The following MAPK10 variants were observed in gnomAD, a reference collection of about 807,000 sequenced individuals.
The protein encoded by MAPK10 is JNK3 alpha protein kinase.
Under a neutral mutation model 59.3 loss-of-function variants are expected in MAPK10, and 25 were observed. The observed-to-expected ratio is 0.42, with a 90% CI of 0.31 to 0.59. The LOEUF is 0.59. Ranked by LOEUF, MAPK10 falls within the 20% of genes least tolerant of loss-of-function variation. The probability of loss-of-function intolerance (pLI) is 0.15; values close to 1 mark genes in which losing one functional copy is unlikely to be tolerated. For synonymous variants in MAPK10, 190 were observed against 200.5 expected (o/e 0.95, Z 0.44); for missense variants, 351 against 568.9 (o/e 0.62, Z 3.90).
chr4:86,101,328 G>T, intron 7 of MAPK10, 111 bp from the exon 8 acceptor site: 2 of 669,370 alleles, frequency 3.0e-6, no homozygotes, highest in Non-Finnish European at 5.1e-6. Context: ...GGTCCCCCTT[G>T]CCTACAGAGC....
chr4:86,310,613 A>G (rs559154352), intron 2 of MAPK10, among the ~76,000 whole-genome samples: 38 of 152,310 alleles, frequency 2.5e-4, no homozygotes, highest in Middle Eastern at 6.8e-3. Context: ...ATACCAGTAT[A>G]ACATGTCAAG....
intron 1 of MAPK10, among the ~76,000 whole-genome samples, chr4:86,508,967 G>T (rs1251192988): frequency 1.3e-5 from 2 of 151,950 alleles, no homozygotes; most frequent in Non-Finnish European, 2.9e-5. Context: ...CCCCAACCTT[G>T]TTTTTTTCTT....
intron 1 of MAPK10, among the ~76,000 whole-genome samples, chr4:86,472,935 A>G (rs534815705): frequency 3.9e-5 from 6 of 152,286 alleles, no homozygotes; most frequent in African/African-American, 1.4e-4. Context: ...TTGAGCCCCT[A>G]TGCTCAGGCC....
chr4:86,479,988 C>T (rs1330577183), intron 1 of MAPK10, among the ~76,000 whole-genome samples: 1 of 152,048 alleles, frequency 6.6e-6, no homozygotes, highest in Non-Finnish European at 1.5e-5. Flanking sequence ...TCCATACCAC[C>T]CCCAAAAATT....
intron 4 of MAPK10, 51 bp downstream of exon 4, chr4:86,159,247 G>T: frequency 7.1e-7 from 1 of 1,416,236 alleles, no homozygotes; most frequent in Non-Finnish European, 9.5e-7. Context: ...GTGTCTAGTA[G>T]TTGCACACGG....
At chr4:86,548,794 C>T (rs1283032420) in intron 1 of MAPK10, among the ~76,000 whole-genome samples, 2 of 152,126 alleles carry the variant, frequency 1.3e-5, no homozygotes, top group Admixed American at 6.5e-5. Context: ...TCCACTAGAC[C>T]ACAACTTGCA....
chr4:86,355,821 C>T (rs1734158660), intron 1 of MAPK10, among the ~76,000 whole-genome samples: 1 of 152,138 alleles, frequency 6.6e-6, no homozygotes, highest in African/African-American at 2.4e-5. Flanking sequence ...AATAAACAGA[C>T]CTAACCTAAG....
Position 86,107,632 on chromosome 4 carries a change from G to T in MAPK10, c.237-280C>A, listed in dbSNP as rs1273537407. 4 of 1,051,296 alleles carry T rather than the reference G, an allele frequency of 3.8e-6. No homozygotes were observed. The East Asian group carries it at 2.9e-4, about 76-fold the overall frequency. The allele number at this position is 1,051,296 out of a possible 1,614,324, so 65.1% of individuals were successfully genotyped here. On this transcript the variant is annotated intron_variant, in intron 4 of 13. Coordinates refer to ENST00000641462, the MANE Select transcript of MAPK10 (RefSeq NM_138982.4). ...GGGCAAAGGAGAAGAAAAAGATCTT[G>T]CCAAGAATATAGCATATAATTGCCT...
At chr4:86,554,533 C>T (rs1396249058) in intron 1 of MAPK10, among the ~76,000 whole-genome samples, 2 of 152,178 alleles carry the variant, frequency 1.3e-5, no homozygotes, top group Admixed American at 6.5e-5. Context: ...TCTTACCACC[C>T]ACACCCAAAT....
chr4:86,032,307 C>T (rs1272164580), intron 11 of MAPK10: 1 of 151,646 alleles, frequency 6.6e-6, no homozygotes, highest in Non-Finnish European at 1.5e-5. Context: ...ACCATGGCGG[C>T]TAGGGTAGCT....
At chr4:86,136,199 T>A (rs1346534269) in intron 4 of MAPK10, among the ~76,000 whole-genome samples, 1 of 151,922 alleles carries the variant, frequency 6.6e-6, no homozygotes, top group Non-Finnish European at 1.5e-5. Context: ...ACAAAGATAC[T>A]CCTCGAGAAG....
intron 2 of MAPK10, among the ~76,000 whole-genome samples, chr4:86,294,641 C>T (rs2095311595): frequency 6.6e-6 from 1 of 152,126 alleles, no homozygotes; most frequent in Non-Finnish European, 1.5e-5. Flanking sequence ...TTTATACTTT[C>T]TCCAAACTGT....
chr4:86,569,095 TC>T (rs1761270603), intron 1 of MAPK10, among the ~76,000 whole-genome samples: 1 of 151,042 alleles, frequency 6.6e-6, no homozygotes, highest in Admixed American at 6.6e-5. Context: ...TACAAACAAT[TC>T]AACAAGAAAA....
At chr4:86,494,047 G>A (rs1754681396) in intron 1 of MAPK10, among the ~76,000 whole-genome samples, 1 of 152,158 alleles carries the variant, frequency 6.6e-6, no homozygotes, top group African/African-American at 2.4e-5. Flanking sequence ...GACCTTAAAA[G>A]TTTAGGCATT....
At chr4:86,187,556 C>T (rs2078553339) in intron 3 of MAPK10, among the ~76,000 whole-genome samples, 1 of 152,030 alleles carries the variant, frequency 6.6e-6, no homozygotes, top group Non-Finnish European at 1.5e-5. Context: ...AAACCGAAAC[C>T]ACAGATAAGG....
chr4:86,400,627 A>G (rs989915825), intron 1 of MAPK10, among the ~76,000 whole-genome samples: 6 of 152,170 alleles, frequency 3.9e-5, no homozygotes, highest in African/African-American at 1.4e-4. Flanking sequence ...TACTTGAATC[A>G]ATTTACATCT....
rs183006651 is a variant in MAPK10 at position 86,367,658 on chromosome 4, T to G, written c.-121-13014A>C. ...CTTATGTAGCAAGCATTTGTTTTTT[T>G]TTTTGTTTTGTTTTGTTTTTTTTGG... On this transcript the variant is annotated intron_variant, in intron 1 of 13. Coordinates refer to the MAPK10 transcript ENST00000361569. Among the ~76,000 whole-genome samples the G allele has an allele frequency of 1.4e-3, 220 of 152,234 alleles. 1 individual carries two copies. The highest frequency in any genetic ancestry group is 9.8e-3 in the East Asian group (51 of 5,186).
chr4:86,393,820 C>G (rs1019563560), intron 1 of MAPK10, among the ~76,000 whole-genome samples: 2 of 152,196 alleles, frequency 1.3e-5, no homozygotes, highest in African/African-American at 4.8e-5. Flanking sequence ...GTAACTCTCT[C>G]CCTGACCTTG....
At chr4:86,401,277 A>G (rs1261851586) in intron 1 of MAPK10, among the ~76,000 whole-genome samples, 2 of 152,126 alleles carry the variant, frequency 1.3e-5, no homozygotes, top group African/African-American at 2.4e-5. Context: ...GATGTGATAT[A>G]TTTCTATTTC....
Sources: gnomAD v4.1 joint callset for allele counts (sites outside exome capture counted in the v4.1 genomes callset) on GRCh38, gnomAD v4.1.1 for gene constraint, MANE v1.5 for transcripts, NCBI Gene and HGNC (gene_info 2026-07-23, HGNC 2026-07-21) for gene names.